The following POLQ variants were observed in gnomAD, a reference collection of about 807,000 sequenced individuals.
POLQ encodes epididymis secretory sperm binding protein.
In POLQ, 233 loss-of-function variants were observed where a neutral mutation model predicts 259.2. That is an observed-to-expected ratio of 0.90 (90% CI 0.81 to 1.00). The LOEUF (loss-of-function observed/expected upper bound fraction) is 1.00, where lower values mean the gene tolerates loss of function less well. Ranked by LOEUF, POLQ falls within the 50% of genes least tolerant of loss-of-function variation. POLQ has a pLI of 0.00. For missense variants in POLQ, 2,871 were observed against 3,051.6 expected, an observed-to-expected ratio of 0.94 and a Z score of 1.39; for synonymous variants, 1,025 against 1,048.8, an observed-to-expected ratio of 0.98 and a Z score of 0.44.
At position 121,460,381 on chromosome 3, in the gene POLQ, C is replaced by G. The variant is rs145569590; in HGVS notation, c.6968-147G>C. On this transcript the variant is annotated intron_variant, in intron 24 of 29. Transcript: ENST00000264233. Reference sequence around the variant, plus strand: ...ACATGTCAAAAGTTAAAACCTTCCTCTTAATATGATGGAATTCAGCTCTGT... The same window carrying G: ...ACATGTCAAAAGTTAAAACCTTCCTGTTAATATGATGGAATTCAGCTCTGT... 752 of 616,106 alleles carry G rather than the reference C, an allele frequency of 1.2e-3. 1 individual carries two copies. The highest frequency in any genetic ancestry group is 1.7e-3 in the Non-Finnish European group (585 of 347,316). 38.2% of individuals were successfully genotyped at this position (616,106 alleles called of 1,614,324 possible).
At chr3:121,474,433 G>A (rs960214665) in intron 20 of POLQ, among the ~76,000 whole-genome samples, 3 of 152,208 alleles carry the variant, frequency 2.0e-5, no homozygotes, top group Non-Finnish European at 4.4e-5. Context: ...TCAGATGAGA[G>A]GGGATGAAAC....
intron 5 of POLQ, among the ~76,000 whole-genome samples, chr3:121,535,766 G>A (rs1320009839): frequency 1.3e-5 from 2 of 149,004 alleles, no homozygotes; most frequent in Non-Finnish European, 3.0e-5. Flanking sequence ...AGACATGCAA[G>A]TTCTCAAAAA....
At chr3:121,454,811 T>G (rs1190903952) in intron 25 of POLQ, among the ~76,000 whole-genome samples, 2 of 152,056 alleles carry the variant, frequency 1.3e-5, no homozygotes, top group Admixed American at 6.5e-5. Context: ...CTATCAACAT[T>G]AGACAGATCA....
intron 28 of POLQ, among the ~76,000 whole-genome samples, chr3:121,435,191 T>C (rs892804983): frequency 6.6e-6 from 1 of 152,214 alleles, no homozygotes; most frequent in South Asian, 2.1e-4. Context: ...GCTGTCATGG[T>C]TTGACAATCT....
intron 25 of POLQ, among the ~76,000 whole-genome samples, chr3:121,454,796 C>T (rs1175539670): frequency 6.6e-6 from 1 of 152,098 alleles, no homozygotes; most frequent in Non-Finnish European, 1.5e-5. Context: ...GACTTTAACA[C>T]CCCACTATCA....
intron 2 of POLQ, among the ~76,000 whole-genome samples, 175 bp downstream of exon 2, chr3:121,544,552 A>T (rs919537110): frequency 2.0e-5 from 3 of 151,804 alleles, no homozygotes; most frequent in Non-Finnish European, 4.4e-5. Context: ...TCAAACAATA[A>T]AACTTTTGTA....
Position 121,476,623 on chromosome 3 carries a change from C to T in POLQ, c.6322G>A (p.Ala2108Thr), listed in dbSNP as rs1270254069. 15 of 1,613,964 alleles carry T rather than the reference C, an allele frequency of 9.3e-6. No homozygotes were observed. Among genetic ancestry groups the T allele is most frequent in the East Asian group, 2.2e-5 (1 of 44,882 alleles). Residue 2108 changes from alanine (A) to threonine (T), a missense_variant, in exon 20 of 30, where the codon GCC becomes ACC. Around this residue, in one of 3 missense-constraint regions of POLQ, gnomAD observed 2,080 missense variants for 2,126.0 expected, o/e 0.98. Coordinates refer to ENST00000264233, the MANE Select transcript of POLQ (RefSeq NM_199420.4). The stretch of plus-strand genomic sequence containing the variant: ...TGGGTCTCAATTGCATCCAGCTTGG[C>T]TTGCATTATATGTTTCTGACTTTCA... ...ECESQKHIMQ[A>T]KLDAIETQAY... is the part of the protein sequence containing the mutation.
intron 27 of POLQ, 41 bp downstream of exon 27, chr3:121,439,951 T>C: frequency 6.5e-7 from 1 of 1,549,846 alleles, no homozygotes; most frequent in Non-Finnish European, 8.9e-7. Context: ...GTACATGTCA[T>C]TGAAATGTTA....
Position 121,519,901 on chromosome 3 carries a change from G to T in POLQ, c.1438C>A (p.Arg480Ser). 1.9e-6 allele frequency: 3 copies of T among 1,604,158 alleles called. No homozygotes were observed. The highest frequency in any genetic ancestry group is 2.2e-5 in the East Asian group (1 of 44,806). ...DILTYKQMVG[R>S]AGRKGVDTVG... ...GTGTCCACTCCTTTCCTGCCAGCAC[G>T]GCCAACCATCTGCTTATAAGTAAGA... Residue 480 changes from arginine (R) to serine (S), a missense_variant, in exon 9 of 30, where the codon CGT becomes AGT. Coordinates refer to ENST00000264233, the MANE Select transcript of POLQ (RefSeq NM_199420.4).
intron 22 of POLQ, among the ~76,000 whole-genome samples, chr3:121,469,422 T>C (rs908977017): frequency 1.2e-4 from 18 of 152,196 alleles, no homozygotes; most frequent in African/African-American, 4.1e-4. Flanking sequence ...TATAACTCCA[T>C]TATCTTCTGA....
intron 23 of POLQ, 101 bp downstream of exon 23, chr3:121,468,203 AC>A: frequency 2.0e-6 from 2 of 1,010,624 alleles, no homozygotes; most frequent in Non-Finnish European, 2.9e-6. Flanking sequence ...TATGTCTGAA[AC>A]ATAAAATTAA....
intron 5 of POLQ, among the ~76,000 whole-genome samples, chr3:121,535,821 G>A (rs2048446684): frequency 6.6e-6 from 1 of 152,000 alleles, no homozygotes; most frequent in Non-Finnish European, 1.5e-5. Flanking sequence ...GAAGTTCCTG[G>A]AAGATATTCC....
At position 121,473,257 on chromosome 3, in the gene POLQ, T is replaced by C. The variant is rs543234234; in HGVS notation, c.6543+93A>G. 31 of 1,101,996 alleles carry C rather than the reference T, an allele frequency of 2.8e-5. No homozygotes were observed. In the African/African-American group the frequency reaches 4.3e-4, roughly 15 times the overall value. The allele number at this position is 1,101,996 out of a possible 1,614,324, so 68.3% of individuals were successfully genotyped here. A position where few individuals can be genotyped will look rare whatever the true frequency, so the allele number is the denominator to read the frequency against. On this transcript the variant is annotated intron_variant, in intron 21 of 29. Coordinates refer to ENST00000264233, the MANE Select transcript of POLQ (RefSeq NM_199420.4). Reference sequence around the variant, plus strand: ...ATCTGGGTAAATTCAAATGGTAGGCTAAGATGTTGATTTCATCAGCATTCT... The same window carrying C: ...ATCTGGGTAAATTCAAATGGTAGGCCAAGATGTTGATTTCATCAGCATTCT...
intron 12 of POLQ, among the ~76,000 whole-genome samples, chr3:121,505,604 G>T (rs776260089): frequency 5.3e-5 from 8 of 152,140 alleles, no homozygotes; most frequent in Non-Finnish European, 1.0e-4. Flanking sequence ...TTGAGTCATT[G>T]TATAAATGAA....
Position 121,467,422 on chromosome 3 carries a change from T to C in POLQ, c.6967+97A>G, listed in dbSNP as rs574593921. 22 of 1,182,370 alleles carry C rather than the reference T, an allele frequency of 1.9e-5. No homozygotes were observed. In the South Asian group the frequency reaches 2.7e-4, roughly 15 times the overall value. The allele number at this position is 1,182,370 out of a possible 1,614,324, so 73.2% of individuals were successfully genotyped here. A position where few individuals can be genotyped will look rare whatever the true frequency, so the allele number is the denominator to read the frequency against. ...GTAGACAGAAAGATGGAGGGACCAA[T>C]GCATGCTCTAAGTCTCACTCATATT... On this transcript the variant is annotated intron_variant, in intron 24 of 29. Coordinates refer to ENST00000264233, the MANE Select transcript of POLQ (RefSeq NM_199420.4).
chr3:121,454,025 C>G (rs912872722), intron 25 of POLQ, among the ~76,000 whole-genome samples: 31 of 152,288 alleles, frequency 2.0e-4, no homozygotes, highest in Middle Eastern at 3.4e-3. Context: ...AGACTAACAG[C>G]GGATCTCTCG....
intron 26 of POLQ, among the ~76,000 whole-genome samples, chr3:121,448,524 G>A (rs1282645970): frequency 2.0e-5 from 3 of 151,680 alleles, no homozygotes; most frequent in Non-Finnish European, 2.9e-5. Context: ...ATGCCACCAC[G>A]CCCAGGTAAT....
chr3:121,479,362 A>AATGTGTGTG (rs140158750), intron 19 of POLQ, among the ~76,000 whole-genome samples: 53 of 142,694 alleles, frequency 3.7e-4, no homozygotes, highest in African/African-American at 5.2e-4. Flanking sequence ...AAAAAAAAAA[A>AATGTGTGTG]TGTGTGTGTG....
intron 25 of POLQ, among the ~76,000 whole-genome samples, chr3:121,451,580 G>A (rs1171487250): frequency 6.6e-6 from 1 of 152,198 alleles, no homozygotes; most frequent in Admixed American, 6.5e-5. Context: ...CTCGGTATGA[G>A]CAGCGGAGGC....
Sources: gnomAD v4.1 joint callset for allele counts (sites outside exome capture counted in the v4.1 genomes callset) on GRCh38, gnomAD v4.1.1 for gene constraint, gnomAD v4.1.1 regional missense constraint, MANE v1.5 for transcripts, NCBI Gene and HGNC (gene_info 2026-07-23, HGNC 2026-07-21) for gene names.